The following FAT1 variants were observed in gnomAD, a reference collection of about 807,000 sequenced individuals.
FAT1 encodes the protein FAT atypical cadherin 1, also known as protocadherin Fat 1.
In FAT1, 171 loss-of-function variants were observed where a neutral mutation model predicts 329.8. That is an observed-to-expected ratio of 0.52 (90% CI 0.46 to 0.59). The LOEUF (loss-of-function observed/expected upper bound fraction) is 0.59. FAT1 is among the 20% of genes least tolerant of loss of function. The pLI, the probability that FAT1 is intolerant of heterozygous loss-of-function variation, is 0.00. For synonymous variants in FAT1, 2,233 were observed against 2,228.6 expected (o/e 1.00, Z -0.06); for missense variants, 5,672 against 5,774.4 (o/e 0.98, Z 0.57).
chr4:186,629,233 C>A (rs770492716), intron 7 of FAT1, among the ~76,000 whole-genome samples: 5 of 152,044 alleles, frequency 3.3e-5, no homozygotes, highest in Non-Finnish European at 5.9e-5. Context: ...ACATCCCAAG[C>A]CCCTGATCAT....
chr4:186,592,642 G>GTGT, intron 26 of FAT1: 2 of 454,178 alleles, frequency 4.4e-6, no homozygotes, highest in Non-Finnish European at 8.8e-6. Context: ...CGAGCTCTAC[G>GTGT]ACACGGCTGC....
chr4:186,637,187 C>T (rs71607916), intron 4 of FAT1, among the ~76,000 whole-genome samples: 71 of 152,248 alleles, frequency 4.7e-4, no homozygotes, highest in Non-Finnish European at 6.3e-4. Context: ...AGGCTCTCTT[C>T]TCGCATTAGT....
At chr4:186,614,013 C>T (rs1739585806) in intron 12 of FAT1, among the ~76,000 whole-genome samples, 178 bp downstream of exon 12, 1 of 151,986 alleles carries the variant, frequency 6.6e-6, no homozygotes, top group South Asian at 2.1e-4. Context: ...AAAATCTCAC[C>T]TTGAATTTTA....
chr4:186,688,590 C>G (rs1447527363), intron 2 of FAT1, among the ~76,000 whole-genome samples: 1 of 152,044 alleles, frequency 6.6e-6, no homozygotes, highest in Non-Finnish European at 1.5e-5. Context: ...GCAATTCAAG[C>G]TTTATTGACG....
chr4:186,700,953 C>T lies in FAT1; in HGVS notation c.3265+5610G>A, dbSNP rs564082725. ...GTAAGCTGTTTCCACCCCACACCTC[C>T]AGGTCCCGGCCCCTGCACACTCTGA... is the stretch of plus-strand genomic sequence containing the variant. On this transcript the variant is annotated intron_variant, in intron 2 of 26. Coordinates refer to ENST00000441802, the MANE Select transcript of FAT1 (RefSeq NM_005245.4). Among the ~76,000 whole-genome samples the T allele has an allele frequency of 2.6e-5, 4 of 152,260 alleles. No homozygotes were observed. In the East Asian group the frequency reaches 7.7e-4, roughly 29 times the overall value.
chr4:186,613,662 T>G (rs1218146453), intron 12 of FAT1, among the ~76,000 whole-genome samples: 2 of 152,244 alleles, frequency 1.3e-5, no homozygotes, highest in Non-Finnish European at 2.9e-5. Context: ...AAAAATTAGA[T>G]TCACATGTTC....
chr4:186,695,198 A>ATACTCATCT (rs1743965741), intron 2 of FAT1, among the ~76,000 whole-genome samples: 1 of 152,184 alleles, frequency 6.6e-6, no homozygotes, highest in African/African-American at 2.4e-5. Flanking sequence ...ATGGCAATGG[A>ATACTCATCT]TACTCATCTT....
At chr4:186,700,216 C>T (rs1744238581) in intron 2 of FAT1, among the ~76,000 whole-genome samples, 1 of 152,186 alleles carries the variant, frequency 6.6e-6, no homozygotes, top group Non-Finnish European at 1.5e-5. Flanking sequence ...ACCTAACCAC[C>T]ATCTTAAACA....
chr4:186,692,379 C>G (rs1329774854), intron 2 of FAT1, among the ~76,000 whole-genome samples: 1 of 152,088 alleles, frequency 6.6e-6, no homozygotes, highest in African/African-American at 2.4e-5. Flanking sequence ...GTGGCGCAAT[C>G]TCGGTTCACT....
At chr4:186,599,432 G>A (rs1486344923) in intron 22 of FAT1, among the ~76,000 whole-genome samples, 1 of 152,172 alleles carries the variant, frequency 6.6e-6, no homozygotes, top group East Asian at 1.9e-4. Context: ...AAGACAGACA[G>A]ATATGGCAAC....
Position 186,602,977 on chromosome 4 carries a change from G to A in FAT1, c.11408C>T (p.Ser3803Phe), listed in dbSNP as rs780877670. The change falls in exon 20 of 27, where the codon TCC becomes TTC. Residue 3803 changes from serine to phenylalanine, a missense_variant. Ser to Phe is a radical substitution (Grantham distance 155). This residue lies in a region of FAT1 where 1,706 missense variants were observed against 1,859.1 expected (regional missense o/e 0.92). Coordinates refer to ENST00000441802, the MANE Select transcript of FAT1 (RefSeq NM_005245.4). ...GCEDDPCPEG[S>F]ECVSDPWEEK... ...CTCCCAGGGATCAGACACACATTCG[G>A]ATCCCTCAGGGCACGGATCATCTTC... 1.9e-6 allele frequency: 3 copies of A among 1,613,966 alleles called. No homozygotes were observed. In the South Asian group the frequency reaches 3.3e-5, roughly 18 times the overall value.
chr4:186,645,075 T>A (rs1741290327), intron 3 of FAT1, among the ~76,000 whole-genome samples: 1 of 152,062 alleles, frequency 6.6e-6, no homozygotes, highest in Non-Finnish European at 1.5e-5. Context: ...CCAGCAACTC[T>A]GTGTTCCAGA....
rs1420176869 is a variant in FAT1 at position 186,618,046 on chromosome 4, C to G, written c.8540G>C (p.Ser2847Thr). The G allele has an allele frequency of 1.2e-6, 2 of 1,613,896 alleles. No individual in the cohort carries two copies. The highest frequency in any genetic ancestry group is 3.3e-5 in the Admixed American group (2 of 60,004). Reference protein sequence around the residue: ...DSGTNGQVMYSLDQSQSVEVI... With the variant: ...DSGTNGQVMYTLDQSQSVEVI... ...TTCCACACTTTGTGACTGATCCAGG[C>G]TATACATAACTTGGCCGTTGGTTCC... Residue 2847 changes from serine to threonine, a missense_variant, in exon 10 of 27, where the codon AGC becomes ACC. This residue lies in a region of FAT1 where 3,966 missense variants were observed against 3,915.2 expected (regional missense o/e 1.01). Coordinates refer to ENST00000441802, the MANE Select transcript of FAT1 (RefSeq NM_005245.4).
intron 3 of FAT1, among the ~76,000 whole-genome samples, chr4:186,643,680 G>A (rs895632333): frequency 6.6e-6 from 1 of 151,994 alleles, no homozygotes; most frequent in East Asian, 1.9e-4. Flanking sequence ...TAACACCCCG[G>A]GGAACGCTAC....
rs547340067 is a variant in FAT1 at position 186,707,019 on chromosome 4, G to A, written c.2809C>T (p.Arg937Ter). The A allele has an allele frequency of 3.1e-6, 5 of 1,613,680 alleles. No individual in the cohort carries two copies. The highest frequency in any genetic ancestry group is 2.2e-5 in the East Asian group (1 of 44,890). The change falls in exon 2 of 27, where the codon CGA becomes TGA. Residue 937 changes from arginine (R) to a stop codon, truncating the protein, a stop_gained. Coordinates refer to ENST00000441802, the MANE Select transcript of FAT1 (RefSeq NM_005245.4). LOFTEE classifies it high-confidence loss of function. The part of the protein sequence containing the change: ...FIPPNYRVKV[R>*]EDLPEGTVIM... ...ACGGTTCCTTCTGGAAGATCCTCTC[G>A]GACTTTCACACGATAATTAGGTGGA...
In FAT1 at chr4:186,621,694, G is replaced by T. The variant is rs751475602; in HGVS notation, c.4892C>A (p.Ala1631Glu). The change falls in exon 10 of 27, where the codon GCG becomes GAG. Residue 1631 changes from alanine to glutamate, a missense_variant. Physicochemically the swap from Ala to Glu is moderately radical, Grantham distance 107. Coordinates refer to ENST00000441802, the MANE Select transcript of FAT1 (RefSeq NM_005245.4). ...AGCTTTTACCATTAAATCATACTCC[G>T]CTTGGTTACTTCGATCTAATTCTTT... Reference protein sequence around the residue: ...TAKELDRSNQAEYDLMVKATD... With the variant: ...TAKELDRSNQEEYDLMVKATD... 6.2e-7 allele frequency: 1 copy of T among 1,613,726 alleles called. No homozygotes were observed. The highest frequency in any genetic ancestry group is 8.5e-7 in the Non-Finnish European group (1 of 1,179,796).
intron 7 of FAT1, among the ~76,000 whole-genome samples, chr4:186,629,516 C>T (rs572001139): frequency 9.2e-5 from 14 of 152,278 alleles, no homozygotes; most frequent in African/African-American, 3.1e-4. Context: ...AATGAAAAGA[C>T]GTATGGATTT....
intron 2 of FAT1, among the ~76,000 whole-genome samples, chr4:186,678,232 C>T (rs1743040452): frequency 6.6e-6 from 1 of 151,982 alleles, no homozygotes; most frequent in Admixed American, 6.6e-5. Flanking sequence ...CAAAAACACA[C>T]AAGTGTTCAT....
intron 3 of FAT1, 126 bp downstream of exon 3, chr4:186,663,173 A>G: frequency 4.8e-6 from 4 of 839,950 alleles, no homozygotes; most frequent in Non-Finnish European, 7.2e-6. Context: ...CTTATTTTGA[A>G]TAATTCAAAA....
Sources: gnomAD v4.1 joint callset for allele counts (sites outside exome capture counted in the v4.1 genomes callset) on GRCh38, gnomAD v4.1.1 for gene constraint, gnomAD v4.1.1 regional missense constraint, MANE v1.5 for transcripts, NCBI Gene and HGNC (gene_info 2026-07-23, HGNC 2026-07-21) for gene names.